Variants in PLXNA2 observed in about 807,000 individuals in gnomAD.
PLXNA2 encodes plexin-A2.
PLXNA2 carries 91 observed loss-of-function variants against 193.5 expected under a neutral mutation model. The ratio of observed to expected loss-of-function variants is 0.47; its 90% CI spans 0.40 to 0.56. The LOEUF is 0.56. Ranked by LOEUF, PLXNA2 falls within the 20% of genes least tolerant of loss-of-function variation. The pLI, the probability that PLXNA2 is intolerant of heterozygous loss-of-function variation, is 0.00. For synonymous variants in PLXNA2, 997 were observed against 1,027.3 expected (o/e 0.97, Z 0.56); for missense variants, 1,995 against 2,503.2 (o/e 0.80, Z 4.33).
At chr1:208,142,265 A>T in intron 4 of PLXNA2, 64 bp downstream of exon 4, 1 of 1,515,970 alleles carries the variant, frequency 6.6e-7, no homozygotes, top group Non-Finnish European at 8.9e-7. Context: ...GTTTCTGAAC[A>T]AAGGTGACAG....
chr1:208,128,986 C>T (rs187034355), intron 4 of PLXNA2, among the ~76,000 whole-genome samples: 2 of 152,288 alleles, frequency 1.3e-5, no homozygotes, highest in South Asian at 4.1e-4. Flanking sequence ...TGAGCCACTG[C>T]GCCCAGCCCT....
At chr1:208,047,118 G>T (rs924145778) in intron 17 of PLXNA2, among the ~76,000 whole-genome samples, 1 of 151,916 alleles carries the variant, frequency 6.6e-6, no homozygotes, top group Non-Finnish European at 1.5e-5. Flanking sequence ...GTGCCACCAC[G>T]CCCAGCTAAT....
chr1:208,031,440 A>G (rs927150121), intron 29 of PLXNA2, 150 bp downstream of exon 29: 7 of 1,295,438 alleles, frequency 5.4e-6, no homozygotes, highest in African/African-American at 1.6e-5. Context: ...TCTGCAGAGC[A>G]TATGTGCACT....
intron 3 of PLXNA2, among the ~76,000 whole-genome samples, chr1:208,177,269 T>C (rs186282806): frequency 1.0e-3 from 153 of 152,218 alleles, no homozygotes; most frequent in African/African-American, 3.5e-3. Context: ...GAGTCCAGCA[T>C]AGTGCCTATC....
chr1:208,175,900 G>A (rs899949776), intron 3 of PLXNA2, among the ~76,000 whole-genome samples: 3 of 152,186 alleles, frequency 2.0e-5, no homozygotes, highest in African/African-American at 4.8e-5. Flanking sequence ...TGGTTATAGG[G>A]TTGGACACGG....
Position 208,039,604 on chromosome 1 carries a change from G to C in PLXNA2, c.4500+17C>G. On this transcript the variant is annotated intron_variant, in intron 24 of 31. Transcript: ENST00000367033. ...TAGAAGATACACAGGCGGGCCCGGA[G>C]CTTCCGGCTTCCTCACCAGGGTCTT... is the stretch of plus-strand genomic sequence containing the variant. 6.2e-7 allele frequency: 1 copy of C among 1,612,810 alleles called. No individual in the cohort carries two copies. The highest frequency in any genetic ancestry group is 8.5e-7 in the Non-Finnish European group (1 of 1,179,964).
chr1:208,038,921 A>G lies in PLXNA2; in HGVS notation c.4564T>C (p.Cys1522Arg). The G allele has an allele frequency of 6.2e-7, 1 of 1,614,090 alleles. No individual in the cohort carries two copies. The highest frequency in any genetic ancestry group is 8.5e-7 in the Non-Finnish European group (1 of 1,179,998). The change falls in exon 25 of 32, where the codon TGT (cysteine) becomes CGT (arginine). Residue 1522 changes from cysteine to arginine, a missense_variant. This residue lies in a region of PLXNA2 where 1,291 missense variants were observed against 1,673.6 expected (regional missense o/e 0.77). Transcript: ENST00000367033. This position sits in a 1 kb window ranked among gnomAD's most constrained non-coding sequence, Gnocchi z 4.1. The stretch of plus-strand genomic sequence containing the variant: ...TCCTTGACCTGTGTGATGGTGTCAC[A>G]GTTTAACACCTTCACTGGGATCTCT... ...SPEIPVKVLN[C>R]DTITQVKEKI...
chr1:208,174,460 T>C (rs1669597517), intron 3 of PLXNA2, among the ~76,000 whole-genome samples: 1 of 151,924 alleles, frequency 6.6e-6, no homozygotes, highest in Non-Finnish European at 1.5e-5. Context: ...GAAGGCATTG[T>C]CAAACTCTCT....
intron 3 of PLXNA2, among the ~76,000 whole-genome samples, chr1:208,150,697 A>C (rs895754484): frequency 2.0e-5 from 3 of 152,160 alleles, no homozygotes; most frequent in Non-Finnish European, 2.9e-5. Context: ...CCAAGCCATC[A>C]CTGGTCTATG....
Position 208,041,857 on chromosome 1 carries a change from G to T in PLXNA2, c.4286+241C>A, listed in dbSNP as rs190078454. Among the ~76,000 whole-genome samples the T allele has an allele frequency of 4.6e-5, 7 of 152,344 alleles. No individual in the cohort carries two copies. In the East Asian group the frequency reaches 1.3e-3, roughly 29 times the overall value. On this transcript the variant is annotated intron_variant, in intron 22 of 31. Coordinates refer to ENST00000367033, the MANE Select transcript of PLXNA2 (RefSeq NM_025179.4). ...GAGGCAGAGCTGGGACTCCAGCTGA[G>T]ATCCGAGCAAGGGTCTGAGCTCATC...
At chr1:208,095,956 C>T (rs1558189279) in intron 8 of PLXNA2, 73 bp downstream of exon 8, 3 of 1,169,668 alleles carry the variant, frequency 2.6e-6, no homozygotes, top group Non-Finnish European at 3.8e-6. Flanking sequence ...CCTAAAGGAG[C>T]TTAGCATCGA....
chr1:208,101,794 G>A (rs893022620), intron 5 of PLXNA2, among the ~76,000 whole-genome samples: 6 of 152,302 alleles, frequency 3.9e-5, no homozygotes, highest in Non-Finnish European at 5.9e-5. Flanking sequence ...ACAGAGTGGC[G>A]GAGGCATGGG....
At chr1:208,176,131 T>A (rs1669654937) in intron 3 of PLXNA2, among the ~76,000 whole-genome samples, 1 of 152,174 alleles carries the variant, frequency 6.6e-6, no homozygotes, top group Admixed American at 6.5e-5. Context: ...ACTTCACAGA[T>A]GAAAAAATAA....
At chr1:208,233,682 G>A (rs564514241) in intron 1 of PLXNA2, among the ~76,000 whole-genome samples, 16 of 152,324 alleles carry the variant, frequency 1.1e-4, no homozygotes, top group South Asian at 1.0e-3. Context: ...AGCTCTCTGC[G>A]CCTCCCAGCC....
chr1:208,108,766 A>G (rs1180671869), intron 4 of PLXNA2, among the ~76,000 whole-genome samples: 2 of 152,208 alleles, frequency 1.3e-5, no homozygotes, highest in African/African-American at 4.8e-5. Context: ...AAACCAAGGA[A>G]ATAGATAATC....
chr1:208,027,118 C>T lies in PLXNA2; in HGVS notation c.*125G>A. ...AGGGAGAGGAGTCCTCCCCTCTCCC[C>T]AGGATGGGGTCTCAGGGGACAGCAA... On this transcript the variant is annotated 3_prime_UTR_variant, in exon 32 of 32. Transcript: ENST00000367033. The T allele has an allele frequency of 1.1e-6, 1 of 876,866 alleles. No individual in the cohort carries two copies. Among genetic ancestry groups the T allele is most frequent in the Non-Finnish European group, 1.8e-6 (1 of 552,412 alleles). The allele number at this position is 876,866 out of a possible 1,614,324, so 54.3% of individuals were successfully genotyped here.
chr1:208,208,424 C>T (rs1245758355), intron 3 of PLXNA2, among the ~76,000 whole-genome samples: 1 of 152,218 alleles, frequency 6.6e-6, no homozygotes, highest in Non-Finnish European at 1.5e-5. Flanking sequence ...CCTCAGTTTC[C>T]CTGTCAAATA....
chr1:208,078,510 T>A (rs1489349996), intron 12 of PLXNA2, among the ~76,000 whole-genome samples: 1 of 152,182 alleles, frequency 6.6e-6, no homozygotes, highest in Non-Finnish European at 1.5e-5. Flanking sequence ...GGTACCTGCC[T>A]GGGCCTTTAT....
intron 4 of PLXNA2, among the ~76,000 whole-genome samples, chr1:208,126,051 G>T (rs962152071): frequency 6.6e-6 from 1 of 152,206 alleles, no homozygotes; most frequent in Admixed American, 6.5e-5. Context: ...AGTCTGTACT[G>T]CATCCCCTCC....
Sources: gnomAD v4.1 joint callset for allele counts (sites outside exome capture counted in the v4.1 genomes callset) on GRCh38, gnomAD v4.1.1 for gene constraint, gnomAD v4.1.1 regional missense constraint, Gnocchi (gnomAD v3.1) non-coding constraint, MANE v1.5 for transcripts, NCBI Gene and HGNC (gene_info 2026-07-23, HGNC 2026-07-21) for gene names.